TBC1D19: variants seen among roughly 807,000 people sequenced by gnomAD.
TBC1D19 encodes TBC1 domain family, member 19.
TBC1D19 carries 60 observed loss-of-function variants against 89.0 expected under a neutral mutation model. The ratio of observed to expected loss-of-function variants is 0.67; its 90% CI spans 0.55 to 0.84. The LOEUF (loss-of-function observed/expected upper bound fraction) is 0.84. TBC1D19 is among the 40% of genes least tolerant of loss of function. TBC1D19 has a pLI of 0.00. For synonymous variants in TBC1D19, 189 were observed against 199.7 expected (o/e 0.95, Z 0.45); for missense variants, 500 against 610.8 (o/e 0.82, Z 1.91).
chr4:26,604,159 T>C (rs959557155), intron 1 of TBC1D19, among the ~76,000 whole-genome samples: 5 of 147,024 alleles, frequency 3.4e-5, no homozygotes, highest in South Asian at 2.2e-4. Context: ...TTTTTTTTTT[T>C]TTTTTTTTTT....
At chr4:26,809,521 C>G in the TBC1D19 span, among the ~76,000 whole-genome samples, 1 of 152,200 alleles carries the variant, frequency 6.6e-6, no homozygotes, top group Non-Finnish European at 1.5e-5. Flanking sequence ...CTCTGGCTCT[C>G]ACCCTATTCC....
the TBC1D19 span, among the ~76,000 whole-genome samples, chr4:26,786,302 A>G: frequency 6.6e-6 from 1 of 152,160 alleles, no homozygotes; most frequent in Admixed American, 6.5e-5. Context: ...TTTGTGAGGG[A>G]CACCAGATCC....
the TBC1D19 span, among the ~76,000 whole-genome samples, chr4:26,773,385 A>G: frequency 6.6e-6 from 1 of 152,160 alleles, no homozygotes; most frequent in Non-Finnish European, 1.5e-5. Context: ...AGATGGATAG[A>G]TTGCAAAAAT....
At chr4:26,767,977 G>C in the TBC1D19 span, among the ~76,000 whole-genome samples, 1 of 152,152 alleles carries the variant, frequency 6.6e-6, no homozygotes, top group Non-Finnish European at 1.5e-5. Flanking sequence ...GAGTTGAAGA[G>C]ATGGGATTAG....
chr4:26,649,581 G>A (rs889361596), intron 7 of TBC1D19, among the ~76,000 whole-genome samples: 2 of 152,064 alleles, frequency 1.3e-5, no homozygotes, highest in African/African-American at 4.8e-5. Context: ...GAATTTGCCT[G>A]TGCTAGACAT....
the TBC1D19 span, among the ~76,000 whole-genome samples, chr4:26,817,492 C>T: frequency 6.6e-6 from 1 of 152,114 alleles, no homozygotes; most frequent in Non-Finnish European, 1.5e-5. Flanking sequence ...TTTTTTACAA[C>T]TCACTTTTTT....
At chr4:26,601,269 A>G (rs1740583983) in intron 1 of TBC1D19, among the ~76,000 whole-genome samples, 1 of 152,180 alleles carries the variant, frequency 6.6e-6, no homozygotes, top group Non-Finnish European at 1.5e-5. Context: ...GGTACCTCAT[A>G]CAAATGGAAA....
intron 3 of TBC1D19, among the ~76,000 whole-genome samples, chr4:26,617,036 T>C (rs1238559881): frequency 3.3e-5 from 5 of 152,164 alleles, no homozygotes; most frequent in Non-Finnish European, 7.3e-5. Flanking sequence ...CATGTTTTAG[T>C]TTGTCTGGTG....
intron 1 of TBC1D19, among the ~76,000 whole-genome samples, chr4:26,612,488 C>G (rs260952): frequency 0.38 from 57,254 of 151,756 alleles, 11,810 homozygotes; most frequent in Non-Finnish European, 0.47. Flanking sequence ...TTGAGATCCT[C>G]TAATAGAAAT....
At chr4:26,695,891 C>T (rs2109187894) in intron 13 of TBC1D19, among the ~76,000 whole-genome samples, 1 of 152,278 alleles carries the variant, frequency 6.6e-6, no homozygotes, top group East Asian at 1.9e-4. Flanking sequence ...GCGGTACCAG[C>T]CACTATAAAA....
At chr4:26,614,214 C>G (rs1001956980) in intron 2 of TBC1D19, among the ~76,000 whole-genome samples, 194 bp from the exon 3 acceptor site, 1 of 152,148 alleles carries the variant, frequency 6.6e-6, no homozygotes, top group African/African-American at 2.4e-5. Flanking sequence ...CTTTGCTACT[C>G]AGTGTTAGAC....
chr4:26,613,048 T>C, intron 1 of TBC1D19, 121 bp from the exon 2 acceptor site: 2 of 675,792 alleles, frequency 3.0e-6, no homozygotes, highest in Non-Finnish European at 4.9e-6. Context: ...TTTCAAGTAG[T>C]ATACATTTTT....
chr4:26,837,702 C>T, the TBC1D19 span, among the ~76,000 whole-genome samples: 2 of 152,064 alleles, frequency 1.3e-5, no homozygotes, highest in East Asian at 1.9e-4. Context: ...AGGAGACAAG[C>T]AAAAACAGGA....
chr4:26,698,215 A>G lies in TBC1D19; in HGVS notation c.954+9808A>G, dbSNP rs544631280. Among the ~76,000 whole-genome samples, 9 of 152,352 alleles carry G rather than the reference A, an allele frequency of 5.9e-5. No homozygotes were observed. In the East Asian group the frequency reaches 1.7e-3, roughly 29 times the overall value. ...AAATCACAAGCATTCTTATTCATCA[A>G]TAGCAGACAAACAGAGACCAAAATC... On this transcript the variant is annotated intron_variant, in intron 13 of 20. Transcript: ENST00000264866.
At chr4:26,739,645 G>A (rs188457381) in intron 16 of TBC1D19, among the ~76,000 whole-genome samples, 1 of 151,960 alleles carries the variant, frequency 6.6e-6, no homozygotes, top group African/African-American at 2.4e-5. Context: ...GATTATAATA[G>A]TTTGTAATAT....
At chr4:26,633,155 C>T (rs1186702410) in intron 4 of TBC1D19, among the ~76,000 whole-genome samples, 1 of 152,104 alleles carries the variant, frequency 6.6e-6, no homozygotes, top group Non-Finnish European at 1.5e-5. Context: ...CAACTTTTTC[C>T]ATAACAACAA....
At chr4:26,721,168 C>A (rs1378006059) in intron 15 of TBC1D19, among the ~76,000 whole-genome samples, 2 of 151,980 alleles carry the variant, frequency 1.3e-5, no homozygotes, top group African/African-American at 4.8e-5. Flanking sequence ...GTTAATTACT[C>A]TAAAATATAT....
chr4:26,658,963 A>G, intron 7 of TBC1D19, among the ~76,000 whole-genome samples: 1 of 152,202 alleles, frequency 6.6e-6, no homozygotes, highest in East Asian at 1.9e-4. Context: ...ATAGTTGCTT[A>G]TCAGCCTAAG....
At chr4:26,603,219 C>A (rs1740750527) in intron 1 of TBC1D19, among the ~76,000 whole-genome samples, 1 of 152,180 alleles carries the variant, frequency 6.6e-6, no homozygotes, top group African/African-American at 2.4e-5. Context: ...TACTTACAGA[C>A]TTCTCTGATG....
Sources: gnomAD v4.1 joint callset for allele counts (sites outside exome capture counted in the v4.1 genomes callset) on GRCh38, gnomAD v4.1.1 for gene constraint, MANE v1.5 for transcripts, NCBI Gene and HGNC (gene_info 2026-07-23, HGNC 2026-07-21) for gene names.